Variants in CSMD1 observed in about 807,000 individuals in gnomAD.
CSMD1 encodes the protein CUB and Sushi multiple domains 1.
Under a neutral mutation model 417.5 loss-of-function variants are expected in CSMD1, and 213 were observed. The observed-to-expected ratio is 0.51, with a 90% CI of 0.46 to 0.57. The LOEUF (loss-of-function observed/expected upper bound fraction) is 0.57. CSMD1 is among the 20% of genes least tolerant of loss of function. CSMD1 has a pLI of 0.00. For missense variants in CSMD1, 6,923 were observed against 4,529.7 expected, an observed-to-expected ratio of 1.53 and a Z score of -15.17; for synonymous variants, 2,862 against 1,736.8, an observed-to-expected ratio of 1.65 and a Z score of -16.11.
chr8:4,758,427 G>A (rs897811939), intron 1 of CSMD1, among the ~76,000 whole-genome samples: 16 of 152,092 alleles, frequency 1.1e-4, no homozygotes, highest in Admixed American at 2.0e-4. Context: ...AACACAAAAT[G>A]GCATAAAGGT....
intron 54 of CSMD1, among the ~76,000 whole-genome samples, chr8:2,979,165 G>A (rs534868096): frequency 1.3e-5 from 2 of 152,316 alleles, no homozygotes; most frequent in Non-Finnish European, 2.9e-5. Flanking sequence ...CAAGTGTGGT[G>A]TTTTAGAACA....
intron 1 of CSMD1, among the ~76,000 whole-genome samples, chr8:4,992,581 C>T (rs1811529803): frequency 1.3e-5 from 2 of 152,198 alleles, no homozygotes; most frequent in Admixed American, 1.3e-4. Flanking sequence ...GGGCTCCTGC[C>T]CTCACCCCGC....
rs189312592 is a variant in CSMD1, at chr8:4,223,933, G to A, written c.416-191834C>T. 2.5e-3 allele frequency among the ~76,000 whole-genome samples: 385 copies of A among 152,236 alleles called. 2 individuals carry two copies. Among genetic ancestry groups the A allele is most frequent in the Non-Finnish European group, 3.3e-3 (224 of 68,032 alleles). ...TCTTCCAGACGGTTAATAACATCCA[G>A]GGGTCCTTTGTGCTTGAACATACTA... On this transcript the variant is annotated intron_variant, in intron 3 of 69. Coordinates refer to ENST00000635120, the MANE Select transcript of CSMD1 (RefSeq NM_033225.6).
intron 2 of CSMD1, among the ~76,000 whole-genome samples, chr8:4,527,479 GTC>G (rs1796576740): frequency 6.6e-6 from 1 of 152,166 alleles, no homozygotes; most frequent in Non-Finnish European, 1.5e-5. Context: ...TTGGTGAGTT[GTC>G]AGTGTCAAGA....
intron 1 of CSMD1, among the ~76,000 whole-genome samples, chr8:4,759,829 T>A (rs1044728318): frequency 6.6e-6 from 1 of 152,258 alleles, no homozygotes; most frequent in African/African-American, 2.4e-5. Context: ...ACATTTGGGT[T>A]GATTCCATGT....
At chr8:4,635,006 AG>A (rs1802739978) in intron 2 of CSMD1, among the ~76,000 whole-genome samples, 1 of 152,148 alleles carries the variant, frequency 6.6e-6, no homozygotes, top group Admixed American at 6.5e-5. Context: ...TGCGGATAGG[AG>A]GAAGAAATAT....
intron 17 of CSMD1, among the ~76,000 whole-genome samples, chr8:3,394,013 TA>T (rs1563342224): frequency 0.05 from 712 of 14,210 alleles, 36 homozygotes; most frequent in African/African-American, 0.13. Context: ...AAAAATAAAT[TA>T]TATATATATA....
intron 17 of CSMD1, among the ~76,000 whole-genome samples, chr8:3,394,814 C>G (rs1277909053): frequency 6.6e-6 from 1 of 151,968 alleles, no homozygotes; most frequent in African/African-American, 2.4e-5. Flanking sequence ...TTTCAAAATA[C>G]GTTACTTTGG....
At chr8:3,495,857 G>C (rs11774269) in intron 10 of CSMD1, among the ~76,000 whole-genome samples, 3 of 152,190 alleles carry the variant, frequency 2.0e-5, no homozygotes, top group South Asian at 2.1e-4. Flanking sequence ...GACTCCCTCA[G>C]CTGTCCTGGA....
In CSMD1 at chr8:3,468,805, G is replaced by T; in HGVS notation, c.1468C>A (p.Pro490Thr). The T allele has an allele frequency of 6.2e-7, 1 of 1,600,048 alleles. No homozygotes were observed. Among genetic ancestry groups the T allele is most frequent in the Non-Finnish European group, 8.5e-7 (1 of 1,173,344 alleles). Residue 490 changes from proline to threonine, a missense_variant, in exon 12 of 70, where the codon CCT becomes ACT. Transcript: ENST00000635120. Reference protein sequence around the residue: ...VLYVLTGSSVPDLIVSMSNQM... With the variant: ...VLYVLTGSSVTDLIVSMSNQM... ...TTGCTCATGCTCACAATGAGGTCAG[G>T]AACACTGGATCCCGTGAGCCTGCAA... is the stretch of plus-strand genomic sequence containing the variant.
chr8:4,918,398 T>C (rs781234809), intron 1 of CSMD1, among the ~76,000 whole-genome samples: 8 of 152,210 alleles, frequency 5.3e-5, no homozygotes, highest in Non-Finnish European at 1.2e-4. Flanking sequence ...CAGACCTTTC[T>C]GCCGATTCTT....
chr8:4,038,136 G>A (rs1465231032), intron 3 of CSMD1, among the ~76,000 whole-genome samples: 2 of 152,092 alleles, frequency 1.3e-5, no homozygotes, highest in African/African-American at 2.4e-5. Flanking sequence ...TAAAGTCACT[G>A]ATTGGTGACA....
intron 2 of CSMD1, among the ~76,000 whole-genome samples, chr8:4,623,297 A>G (rs1189628916): frequency 1.3e-5 from 2 of 152,146 alleles, no homozygotes; most frequent in African/African-American, 4.8e-5. Context: ...ATAACACTCT[A>G]CACTCATTAC....
At chr8:4,941,834 A>C (rs1243001676) in intron 1 of CSMD1, among the ~76,000 whole-genome samples, 1 of 152,110 alleles carries the variant, frequency 6.6e-6, no homozygotes, top group African/African-American at 2.4e-5. Context: ...CCTGAGCTCA[A>C]AGCAATCCTC....
intron 51 of CSMD1, among the ~76,000 whole-genome samples, chr8:3,024,044 T>C (rs1444109368): frequency 5.3e-5 from 8 of 152,096 alleles, no homozygotes; most frequent in Non-Finnish European, 8.8e-5. Flanking sequence ...TTACTTTTAA[T>C]TAAGGAATTA....
intron 3 of CSMD1, among the ~76,000 whole-genome samples, chr8:4,291,152 G>A (rs993236678): frequency 6.6e-6 from 1 of 151,908 alleles, no homozygotes. Flanking sequence ...ATGGTTTGGG[G>A]ATTATCTATA....
intron 1 of CSMD1, among the ~76,000 whole-genome samples, chr8:4,859,563 G>T (rs546622698): frequency 1.3e-5 from 2 of 151,854 alleles, no homozygotes; most frequent in East Asian, 1.9e-4. Flanking sequence ...AAATTTACAA[G>T]AAAAAAACAA....
intron 5 of CSMD1, among the ~76,000 whole-genome samples, chr8:3,941,468 A>T (rs1810878372): frequency 6.6e-6 from 1 of 152,168 alleles, no homozygotes; most frequent in African/African-American, 2.4e-5. Context: ...CTAAGGTCCT[A>T]TTAAATGCAT....
At chr8:4,713,489 C>A (rs1222730071) in intron 1 of CSMD1, among the ~76,000 whole-genome samples, 2 of 152,170 alleles carry the variant, frequency 1.3e-5, no homozygotes, top group Admixed American at 6.5e-5. Flanking sequence ...GCCATCTCCG[C>A]CTCCCGGGTT....
Sources: gnomAD v4.1 joint callset for allele counts (sites outside exome capture counted in the v4.1 genomes callset) on GRCh38, gnomAD v4.1.1 for gene constraint, MANE v1.5 for transcripts, NCBI Gene and HGNC (gene_info 2026-07-23, HGNC 2026-07-21) for gene names.